The following DYRK1A variants were observed in gnomAD, a reference collection of about 807,000 sequenced individuals.
DYRK1A encodes the protein dual specificity tyrosine-phosphorylation-regulated kinase 1A.
Under a neutral mutation model 79.7 loss-of-function variants are expected in DYRK1A, and 9 were observed. The observed-to-expected ratio is 0.11, with a 90% CI of 0.07 to 0.20. The LOEUF is 0.20. Among genes scored for constraint, DYRK1A ranks in the 10% least tolerant of loss-of-function variants. The pLI is 1.00. For missense variants in DYRK1A, 622 were observed against 956.0 expected (o/e 0.65, Z 4.61); for synonymous variants, 349 against 329.7 (o/e 1.06, Z -0.63).
chr21:37,490,056 A>G (rs1274491571), intron 6 of DYRK1A, 119 bp from the exon 7 acceptor site: 4 of 1,055,604 alleles, frequency 3.8e-6, no homozygotes, highest in Non-Finnish European at 5.4e-6. Context: ...TGATCTCCAA[A>G]CTTTAACTGA....
chr21:37,405,575 G>T (rs1165325385), intron 1 of DYRK1A, among the ~76,000 whole-genome samples: 1 of 152,094 alleles, frequency 6.6e-6, no homozygotes, highest in Non-Finnish European at 1.5e-5. Flanking sequence ...GTGGATCTAG[G>T]ATTGAAAAGA....
intron 1 of DYRK1A, among the ~76,000 whole-genome samples, chr21:37,394,483 C>CT (rs1185447272): frequency 6.6e-6 from 1 of 152,156 alleles, no homozygotes; most frequent in African/African-American, 2.4e-5. Flanking sequence ...GGGTCTCCAG[C>CT]CACTGGGCCG....
chr21:37,422,288 A>G (rs764795327), intron 2 of DYRK1A, among the ~76,000 whole-genome samples: 6 of 152,166 alleles, frequency 3.9e-5, no homozygotes, highest in Admixed American at 6.6e-5. Context: ...AAAGTTAACA[A>G]TTGTTTTTGA....
At chr21:37,383,837 A>ATATGTGTG (rs1555950696) in intron 1 of DYRK1A, among the ~76,000 whole-genome samples, 3 of 148,482 alleles carry the variant, frequency 2.0e-5, no homozygotes, top group East Asian at 3.9e-4. Flanking sequence ...GTAATGGTGT[A>ATATGTGTG]TGTGTGTGTG....
At chr21:37,467,150 A>G (rs1193581852) in intron 2 of DYRK1A, among the ~76,000 whole-genome samples, 1 of 152,126 alleles carries the variant, frequency 6.6e-6, no homozygotes, top group Non-Finnish European at 1.5e-5. Flanking sequence ...ACTATCCACA[A>G]GCAAAACTCC....
At chr21:37,482,928 T>C (rs184709910) in intron 5 of DYRK1A, among the ~76,000 whole-genome samples, 5 of 152,228 alleles carry the variant, frequency 3.3e-5, no homozygotes, top group African/African-American at 1.2e-4. Context: ...AATTTAAGAT[T>C]ATCTCTCTTG....
At chr21:37,454,912 C>T (rs2051584398) in intron 2 of DYRK1A, among the ~76,000 whole-genome samples, 1 of 151,634 alleles carries the variant, frequency 6.6e-6, no homozygotes, top group Admixed American at 6.6e-5. Flanking sequence ...GGTCTTATCT[C>T]TTTGCTTTTG....
intron 2 of DYRK1A, among the ~76,000 whole-genome samples, chr21:37,445,103 C>T (rs2051225524): frequency 6.6e-6 from 1 of 152,110 alleles, no homozygotes; most frequent in South Asian, 2.1e-4. Context: ...AATCTGTGCT[C>T]CTAGGCACAG....
In DYRK1A at chr21:37,512,752, G is replaced by A. The variant is rs1169691451; in HGVS notation, c.*221G>A. On this transcript the variant is annotated 3_prime_UTR_variant, in exon 12 of 12. Transcript: ENST00000647188. ...ACCCATCTTCATGGATAGCTCAGAG[G>A]TATCCTCTTTTTGCTCCCCCATTTT... is the stretch of plus-strand genomic sequence containing the variant. 2 of 523,772 alleles carry A rather than the reference G, an allele frequency of 3.8e-6. No homozygotes were observed. The highest frequency in any genetic ancestry group is 3.8e-5 in the African/African-American group (2 of 52,696). The allele number at this position is 523,772 out of a possible 1,614,324, so 32.4% of individuals were successfully genotyped here.
At chr21:37,467,475 C>T (rs1057478710) in intron 2 of DYRK1A, among the ~76,000 whole-genome samples, 1 of 152,228 alleles carries the variant, frequency 6.6e-6, no homozygotes, top group African/African-American at 2.4e-5. Flanking sequence ...AAGTGATTTT[C>T]CCACCTTGGC....
intron 2 of DYRK1A, among the ~76,000 whole-genome samples, chr21:37,450,691 A>T (rs1296563384): frequency 2.0e-5 from 3 of 152,170 alleles, no homozygotes; most frequent in Admixed American, 6.5e-5. Flanking sequence ...GCCTGGGCAG[A>T]GAGTGTTGGA....
chr21:37,388,822 TTTTAGTAGA>T (rs1447628870), intron 1 of DYRK1A, among the ~76,000 whole-genome samples: 1 of 151,886 alleles, frequency 6.6e-6, no homozygotes, highest in African/African-American at 2.4e-5. Flanking sequence ...TTTTTTGTAT[TTTTAGTAGA>T]GACGGGGTTT....
rs1207913655 is a variant in DYRK1A at position 37,518,182 on chromosome 21, TTTAAAGCGGAAAAGCGGAATGCAGTGAAA to T, written c.*5653_*5681del. The T allele has an allele frequency of 6.6e-6, 1 of 152,176 alleles. No individual in the cohort carries two copies. Among genetic ancestry groups the T allele is most frequent in the Non-Finnish European group, 1.5e-5 (1 of 68,046 alleles). The allele number at this position is 152,176 out of a possible 1,614,324, so 9.4% of individuals were successfully genotyped here. ...GCGTGGTGGCTCACGTCTGTAAAGA[TTTAAAGCGGAAAAGCGGAATGCAGTGAAA>T]TAGCATGAGAAAGAGCGTTTTTATG... On this transcript the variant is annotated 3_prime_UTR_variant, in exon 12 of 12. Transcript: ENST00000647188.
chr21:37,473,803 G>A (rs138494544), intron 3 of DYRK1A, among the ~76,000 whole-genome samples: 2 of 134,992 alleles, frequency 1.5e-5, no homozygotes, highest in Non-Finnish European at 3.1e-5. Flanking sequence ...CAGTTAAATC[G>A]TTACAATAAG....
chr21:37,463,346 C>G lies in DYRK1A; in HGVS notation c.11-9338C>G, dbSNP rs1486596848. On this transcript the variant is annotated intron_variant, in intron 2 of 11. Transcript: ENST00000647188. ...TATCATTAGACTTTTTGCATAGTCA[C>G]AGTCATTGCTTACTTTCACTTTAAT... 3.3e-5 allele frequency among the ~76,000 whole-genome samples: 5 copies of G among 152,308 alleles called. No individual in the cohort carries two copies. In the East Asian group the frequency reaches 9.6e-4, roughly 29 times the overall value.
chr21:37,425,278 G>C (rs754205880), intron 2 of DYRK1A, among the ~76,000 whole-genome samples: 4 of 152,056 alleles, frequency 2.6e-5, no homozygotes, highest in Non-Finnish European at 5.9e-5. Flanking sequence ...AATAATTTTT[G>C]GCATCCTAAT....
At chr21:37,366,373 C>CCG (rs1220866690), upstream of DYRK1A, among the ~76,000 whole-genome samples, 4 of 144,738 alleles carry the variant, frequency 2.8e-5, no homozygotes, top group African/African-American at 7.4e-5. Flanking sequence ...GCGCGGGAGG[C>CCG]CGCGCGCGCT....
At chr21:37,416,792 C>G (rs533519551) in intron 1 of DYRK1A, among the ~76,000 whole-genome samples, 1 of 152,046 alleles carries the variant, frequency 6.6e-6, no homozygotes, top group East Asian at 1.9e-4. Flanking sequence ...CTTTTTAGAT[C>G]CCAGTGTGCA....
intron 2 of DYRK1A, among the ~76,000 whole-genome samples, chr21:37,469,421 T>A (rs552603101): frequency 1.3e-5 from 2 of 152,238 alleles, no homozygotes; most frequent in African/African-American, 4.8e-5. Context: ...AACTGCAGTT[T>A]ATAGGCATAA....
Sources: gnomAD v4.1 joint callset for allele counts (sites outside exome capture counted in the v4.1 genomes callset) on GRCh38, gnomAD v4.1.1 for gene constraint, MANE v1.5 for transcripts, NCBI Gene and HGNC (gene_info 2026-07-23, HGNC 2026-07-21) for gene names.